Variants in MDGA2 observed in about 807,000 individuals in gnomAD.
The protein encoded by MDGA2 is MAM domain containing glycosylphosphatidylinositol anchor 2.
A neutral mutation model predicts 117.8 loss-of-function variants in MDGA2; 40 were observed. That is an observed-to-expected ratio of 0.34 (90% CI 0.26 to 0.44). MDGA2 has a LOEUF of 0.44. Among genes scored for constraint, MDGA2 ranks in the 20% least tolerant of loss-of-function variants. MDGA2 has a pLI of 1.00. For synonymous variants in MDGA2, 452 were observed against 439.0 expected, an observed-to-expected ratio of 1.03 and a Z score of -0.37; for missense variants, 1,123 against 1,250.6, an observed-to-expected ratio of 0.90 and a Z score of 1.54.
chr14:47,614,095 C>CTTTTTTT (rs768294746), intron 1 of MDGA2, among the ~76,000 whole-genome samples: 319 of 101,200 alleles, frequency 3.2e-3, no homozygotes, highest in Middle Eastern at 0.02. Flanking sequence ...TTTCTTTTTT[C>CTTTTTTT]TTTTTTTTTT....
At chr14:47,049,658 G>T (rs1050214947) in intron 7 of MDGA2, among the ~76,000 whole-genome samples, 9 of 151,998 alleles carry the variant, frequency 5.9e-5, no homozygotes, top group Non-Finnish European at 1.2e-4. Flanking sequence ...AGTGAGCACA[G>T]TTCAAGATTG....
At chr14:46,923,627 C>T (rs1716988761) in intron 9 of MDGA2, among the ~76,000 whole-genome samples, 1 of 151,944 alleles carries the variant, frequency 6.6e-6, no homozygotes, top group South Asian at 2.1e-4. Flanking sequence ...TATAGGCATG[C>T]TTACTTATGC....
chr14:47,225,224 C>G (rs565505661), intron 2 of MDGA2, among the ~76,000 whole-genome samples: 3 of 151,974 alleles, frequency 2.0e-5, no homozygotes, highest in South Asian at 2.1e-4. Context: ...GGACTGTAAA[C>G]TAGTTCAACC....
chr14:47,378,683 A>T (rs1488019566), intron 1 of MDGA2, among the ~76,000 whole-genome samples: 1 of 152,168 alleles, frequency 6.6e-6, no homozygotes, highest in Non-Finnish European at 1.5e-5. Context: ...ACTAAAAAAA[A>T]TTGAACAAAG....
At chr14:47,631,358 T>G (rs911063308) in intron 1 of MDGA2, among the ~76,000 whole-genome samples, 4 of 152,164 alleles carry the variant, frequency 2.6e-5, no homozygotes, top group Non-Finnish European at 5.9e-5. Flanking sequence ...AATCTTCTCT[T>G]CCCCCAGCCC....
At chr14:47,244,987 T>A (rs767381795) in intron 2 of MDGA2, among the ~76,000 whole-genome samples, 2 of 151,190 alleles carry the variant, frequency 1.3e-5, no homozygotes, top group Non-Finnish European at 3.0e-5. Flanking sequence ...ATAGTAAGGA[T>A]ATTTTCTCTT....
chr14:47,296,271 TAAAGTAGCTAC>T (rs922419192), intron 2 of MDGA2, among the ~76,000 whole-genome samples: 25 of 152,152 alleles, frequency 1.6e-4, no homozygotes, highest in Admixed American at 6.6e-5. Context: ...GAGATCTTGC[TAAAGTAGCTAC>T]AAAACTCAGA....
chr14:47,017,051 T>C (rs537002378), intron 8 of MDGA2, among the ~76,000 whole-genome samples: 106 of 152,134 alleles, frequency 7.0e-4, no homozygotes, highest in African/African-American at 2.5e-3. Flanking sequence ...GTATATGATA[T>C]TGCATATCTA....
At chr14:47,150,603 A>T (rs1011849860) in intron 3 of MDGA2, among the ~76,000 whole-genome samples, 1 of 152,120 alleles carries the variant, frequency 6.6e-6, no homozygotes, top group Non-Finnish European at 1.5e-5. Flanking sequence ...GAAGATTTTA[A>T]CAACTTCCCA....
intron 2 of MDGA2, among the ~76,000 whole-genome samples, chr14:47,283,385 T>C (rs143217548): frequency 1.9e-3 from 290 of 152,340 alleles, no homozygotes; most frequent in Middle Eastern, 6.8e-3. Flanking sequence ...TTTTTTGCTA[T>C]TTAATGCAAT....
intron 8 of MDGA2, among the ~76,000 whole-genome samples, chr14:47,005,976 T>G (rs77683757): frequency 6.6e-6 from 1 of 151,548 alleles, no homozygotes. Flanking sequence ...TTTAAGCTGA[T>G]TGTCAGAGGA....
At chr14:47,147,286 A>T (rs1231076561) in intron 3 of MDGA2, among the ~76,000 whole-genome samples, 1 of 151,968 alleles carries the variant, frequency 6.6e-6, no homozygotes, top group Non-Finnish European at 1.5e-5. Flanking sequence ...TTGATTTAGG[A>T]CAGGTTTCTG....
intron 9 of MDGA2, among the ~76,000 whole-genome samples, chr14:46,952,306 G>T (rs1044740904): frequency 9.2e-5 from 14 of 151,896 alleles, no homozygotes; most frequent in Non-Finnish European, 1.8e-4. Flanking sequence ...TTTACTTTTG[G>T]AGGAAATGTG....
chr14:47,566,156 G>A (rs1374801533), intron 1 of MDGA2, among the ~76,000 whole-genome samples: 1 of 152,200 alleles, frequency 6.6e-6, no homozygotes, highest in Non-Finnish European at 1.5e-5. Context: ...GAAGTAACAC[G>A]GGCAGCTGTG....
At chr14:47,174,600 T>C (rs1345937431) in intron 3 of MDGA2, among the ~76,000 whole-genome samples, 2 of 151,872 alleles carry the variant, frequency 1.3e-5, no homozygotes, top group African/African-American at 4.8e-5. Flanking sequence ...TTGAAACAAA[T>C]AAGAACAAAG....
chr14:47,618,577 T>A (rs1470796083), intron 1 of MDGA2, among the ~76,000 whole-genome samples: 1 of 152,228 alleles, frequency 6.6e-6, no homozygotes, highest in Admixed American at 6.5e-5. Flanking sequence ...AGGCACTGTA[T>A]GTCGCTCATT....
At chr14:47,153,378 T>C (rs1485442982) in intron 3 of MDGA2, among the ~76,000 whole-genome samples, 1 of 152,106 alleles carries the variant, frequency 6.6e-6, no homozygotes, top group Non-Finnish European at 1.5e-5. Context: ...AAAAGGTCTC[T>C]AAGGACCTGG....
intron 6 of MDGA2, among the ~76,000 whole-genome samples, chr14:47,070,442 C>T (rs141289786): frequency 0.015 from 2,281 of 152,258 alleles, 83 homozygotes; most frequent in Admixed American, 0.09. Context: ...TAATAGTCAT[C>T]TTTGAAGTTC....
At chr14:47,165,748 T>C (rs1883843768) in intron 3 of MDGA2, among the ~76,000 whole-genome samples, 1 of 152,128 alleles carries the variant, frequency 6.6e-6, no homozygotes, top group South Asian at 2.1e-4. Context: ...ACAAAGAAAC[T>C]CAGTTAAAAA....
Sources: gnomAD v4.1 joint callset for allele counts (sites outside exome capture counted in the v4.1 genomes callset) on GRCh38, gnomAD v4.1.1 for gene constraint, MANE v1.5 for transcripts, NCBI Gene and HGNC (gene_info 2026-07-23, HGNC 2026-07-21) for gene names.